The following TF variants were observed in gnomAD, a reference collection of about 807,000 sequenced individuals.
TF encodes serotransferrin.
TF carries 55 observed loss-of-function variants against 82.4 expected under a neutral mutation model. The observed-to-expected ratio is 0.67, with a 90% CI of 0.54 to 0.84. The LOEUF is 0.84. Among genes scored for constraint, TF ranks in the 40% least tolerant of loss-of-function variants. The probability of loss-of-function intolerance (pLI) is 0.00; values close to 1 mark genes in which losing one functional copy is unlikely to be tolerated. For synonymous variants in TF, 332 were observed against 332.6 expected, an observed-to-expected ratio of 1.00 and a Z score of 0.02; for missense variants, 737 against 868.4, an observed-to-expected ratio of 0.85 and a Z score of 1.90.
intron 14 of TF, among the ~76,000 whole-genome samples, chr3:133,771,824 C>A (rs1203975644): frequency 7.0e-6 from 1 of 142,480 alleles, no homozygotes; most frequent in African/African-American, 2.7e-5. Context: ...TTAATAAAAA[C>A]AAACAAAACA....
rs1001157478 is a variant in TF at position 133,791,561 on chromosome 3, C to A, written c.*12941C>A. Reference sequence around the variant, plus strand: ...TTTTGATTAATATAAAAAAAGAATTCTGAGGCCGATCTTAAGCTGTAGTGA... The same window carrying A: ...TTTTGATTAATATAAAAAAAGAATTATGAGGCCGATCTTAAGCTGTAGTGA... On this transcript the variant is annotated 3_prime_UTR_variant, in exon 17 of 17. Coordinates refer to ENST00000402696, the MANE Select transcript of TF (RefSeq NM_001063.4). The A allele has an allele frequency of 6.6e-6, 1 of 152,170 alleles. No homozygotes were observed. The highest frequency in any genetic ancestry group is 6.5e-5 in the Admixed American group (1 of 15,280). The allele number at this position is 152,170 out of a possible 1,614,324, so 9.4% of individuals were successfully genotyped here.
chr3:133,741,945 G>A (rs766382751), upstream of TF, among the ~76,000 whole-genome samples: 1 of 152,162 alleles, frequency 6.6e-6, no homozygotes, highest in Non-Finnish European at 1.5e-5. Context: ...GTTAAGGAGT[G>A]TTCCTACTTT....
rs57329669 is a variant in TF, at chr3:133,778,610, G to A, written c.2087G>A (p.Arg696His). 5.5e-5 allele frequency: 88 copies of A among 1,613,238 alleles called. 2 individuals carry two copies. Among genetic ancestry groups the A allele is most frequent in the South Asian group, 4.8e-4 (44 of 91,066 alleles). The change falls in exon 17 of 17, where the codon CGT (arginine) becomes CAT (histidine). Residue 696 changes from arginine to histidine, a missense_variant. Arg to His is a conservative substitution (Grantham distance 29). Transcript: ENST00000402696. ...TSSLLEACTF[R>H]RP ...GCACTCCTGGAAGCCTGCACTTTCC[G>A]TAGACCTTAAAATCTCAGAGGTAGG...
chr3:133,691,275 G>T, the TF span, among the ~76,000 whole-genome samples: 1 of 152,210 alleles, frequency 6.6e-6, no homozygotes, highest in African/African-American at 2.4e-5. Context: ...ATCCACATTT[G>T]AGAGTGCCAA....
chr3:133,724,679 G>T, the TF span, among the ~76,000 whole-genome samples: 9 of 152,170 alleles, frequency 5.9e-5, no homozygotes, highest in East Asian at 1.9e-4. Context: ...ATTTGTCAAT[G>T]TTGGCTTTTG....
At chr3:133,778,227 G>T (rs1276052493) in intron 16 of TF, 4 of 284,882 alleles carry the variant, frequency 1.4e-5, no homozygotes, top group African/African-American at 8.7e-5. Flanking sequence ...GCACATTGCA[G>T]GTGCTTTTTG....
chr3:133,694,331 A>C, the TF span: 2 of 152,950 alleles, frequency 1.3e-5, no homozygotes, highest in African/African-American at 4.8e-5. Context: ...GCTCCTCCCA[A>C]GAATCGTACT....
intron 10 of TF, 81 bp downstream of exon 10, chr3:133,764,356 C>A: frequency 8.6e-7 from 1 of 1,166,878 alleles, no homozygotes; most frequent in South Asian, 1.2e-5. Context: ...CAGTCTGATT[C>A]ATACCACAGC....
At chr3:133,718,440 A>G in the TF span, among the ~76,000 whole-genome samples, 6 of 152,124 alleles carry the variant, frequency 3.9e-5, no homozygotes, top group Non-Finnish European at 7.4e-5. Flanking sequence ...GGATGCTGAG[A>G]AAAAGCCACA....
chr3:133,713,942 A>G, the TF span, among the ~76,000 whole-genome samples: 1 of 152,200 alleles, frequency 6.6e-6, no homozygotes, highest in African/African-American at 2.4e-5. Context: ...GGACAACAGC[A>G]CATAAATAAA....
At chr3:133,727,598 A>T in the TF span, among the ~76,000 whole-genome samples, 1 of 106,472 alleles carries the variant, frequency 9.4e-6, no homozygotes, top group Non-Finnish European at 1.9e-5. Context: ...ATGGGTCTTG[A>T]CTCTTTATCC....
chr3:133,773,593 A>G (rs1405785876), intron 14 of TF: 4 of 152,196 alleles, frequency 2.6e-5, no homozygotes, highest in Non-Finnish European at 4.4e-5. Context: ...CTATGAAATT[A>G]CAAATGCTTC....
chr3:133,745,889 G>C (rs1482064789), upstream of TF: 1 of 157,638 alleles, frequency 6.3e-6, no homozygotes, highest in Non-Finnish European at 1.4e-5. Flanking sequence ...CTGGTGGGGA[G>C]CAAAAGGTGC....
intron 7 of TF, 106 bp from the exon 8 acceptor site, chr3:133,757,663 A>G (rs1368236595): frequency 4.2e-5 from 48 of 1,150,408 alleles, no homozygotes; most frequent in Non-Finnish European, 5.1e-5. Context: ...TGGCATCTTG[A>G]ACTTTTTCAT....
rs902211026 is a variant in TF at position 133,786,945 on chromosome 3, C to T, written c.*8325C>T. ...TTTTTGCTAAAATTCTTGGGAAGTA[C>T]TGTCTTTTGGAAGTGGAATTGTGAA... is the stretch of plus-strand genomic sequence containing the variant. On this transcript the variant is annotated 3_prime_UTR_variant, in exon 17 of 17. Transcript: ENST00000402696. The T allele has an allele frequency of 3.3e-5, 5 of 152,176 alleles. No homozygotes were observed. The highest frequency in any genetic ancestry group is 1.2e-4 in the African/African-American group (5 of 41,432). 9.4% of individuals were successfully genotyped at this position (152,176 alleles called of 1,614,324 possible). A position where few individuals can be genotyped will look rare whatever the true frequency, so the allele number is the denominator to read the frequency against.
chr3:133,792,714 T>C lies in TF; in HGVS notation c.*14094T>C, dbSNP rs2107955253. On this transcript the variant is annotated 3_prime_UTR_variant, in exon 17 of 17. Coordinates refer to ENST00000402696, the MANE Select transcript of TF (RefSeq NM_001063.4). ...GAAAGATTATAACAAGGCATGGGAA[T>C]GTAGATTTTTTTTTCTGTCTAAAGG... 6.6e-6 allele frequency: 1 copy of C among 152,294 alleles called. No individual in the cohort carries two copies. The highest frequency in any genetic ancestry group is 1.9e-4 in the East Asian group (1 of 5,192). The allele number at this position is 152,294 out of a possible 1,614,324, so 9.4% of individuals were successfully genotyped here.
the TF span, among the ~76,000 whole-genome samples, chr3:133,698,611 A>T: frequency 6.6e-6 from 1 of 152,110 alleles, no homozygotes; most frequent in Non-Finnish European, 1.5e-5. Context: ...GCCTGTGTGC[A>T]TGTCTTCTGT....
At chr3:133,732,728 T>G in the TF span, among the ~76,000 whole-genome samples, 1 of 152,136 alleles carries the variant, frequency 6.6e-6, no homozygotes. Flanking sequence ...AAGAAACTCT[T>G]GACACACCGT....
chr3:133,702,494 A>G, the TF span, among the ~76,000 whole-genome samples: 2 of 152,108 alleles, frequency 1.3e-5, no homozygotes, highest in East Asian at 3.9e-4. Flanking sequence ...GCAGTGAGCC[A>G]TGGTCACACC....
Sources: allele counts gnomAD v4.1 joint callset (sites outside exome capture counted in the v4.1 genomes callset), GRCh38; gene constraint gnomAD v4.1.1; transcripts MANE v1.5; gene names NCBI Gene and HGNC (gene_info 2026-07-23, HGNC 2026-07-21).